The following AARS1 variants were observed in gnomAD, a reference collection of about 807,000 sequenced individuals.
AARS1 encodes alanyl-tRNA synthetase 1.
AARS1 carries 72 observed loss-of-function variants against 108.9 expected under a neutral mutation model. The observed-to-expected ratio is 0.66, with a 90% CI of 0.55 to 0.80. The LOEUF is 0.80. AARS1 is among the 30% of genes least tolerant of loss of function. The pLI, the probability that AARS1 is intolerant of heterozygous loss-of-function variation, is 0.00. For synonymous variants in AARS1, 489 were observed against 465.7 expected, an observed-to-expected ratio of 1.05 and a Z score of -0.64; for missense variants, 1,193 against 1,233.2, an observed-to-expected ratio of 0.97 and a Z score of 0.49.
At position 70,270,752 on chromosome 16, in the gene AARS1, G is replaced by A. The variant is rs539722875; in HGVS notation, c.672-412C>T. 4.3e-4 allele frequency among the ~76,000 whole-genome samples: 64 copies of A among 150,072 alleles called. No individual in the cohort carries two copies. The Middle Eastern group carries it at 0.014, about 33-fold the overall frequency. On this transcript the variant is annotated intron_variant, in intron 5 of 20. Transcript: ENST00000261772. Reference sequence around the variant, plus strand: ...CTCGGGAGGCTGAAGCAGGAGAATCGCTTGAACCCAGGAGGCGGAGGTTGT... The same window carrying A: ...CTCGGGAGGCTGAAGCAGGAGAATCACTTGAACCCAGGAGGCGGAGGTTGT...
intron 6 of AARS1, 149 bp downstream of exon 6, chr16:70,270,047 G>A: frequency 9.7e-7 from 1 of 1,030,362 alleles, no homozygotes; most frequent in Non-Finnish European, 1.5e-6. Flanking sequence ...AATTTGTGGA[G>A]CCTCACATTA....
intron 14 of AARS1, 44 bp from the exon 15 acceptor site, chr16:70,258,261 G>A: frequency 6.4e-7 from 1 of 1,553,088 alleles, no homozygotes; most frequent in Non-Finnish European, 8.7e-7. Context: ...GAGATCCCTG[G>A]AGGTGCGGTA....
At chr16:70,288,091 C>CCTT (rs1380374409) in intron 1 of AARS1, among the ~76,000 whole-genome samples, 9 of 141,264 alleles carry the variant, frequency 6.4e-5, no homozygotes, top group South Asian at 2.2e-4. Flanking sequence ...ACAGCCTTCC[C>CCTT]CTTCTTCTTT....
intron 2 of AARS1, among the ~76,000 whole-genome samples, chr16:70,280,132 C>G (rs914991509): frequency 6.6e-6 from 1 of 152,094 alleles, no homozygotes; most frequent in African/African-American, 2.4e-5. Flanking sequence ...GCCCAGGCTC[C>G]TCTCCAACTC....
intron 16 of AARS1, among the ~76,000 whole-genome samples, chr16:70,255,194 A>ATTT (rs946837808): frequency 0.011 from 1,101 of 104,188 alleles, 26 homozygotes; most frequent in African/African-American, 0.027. Flanking sequence ...CCAGATTCAC[A>ATTT]TTTTTTTTTT....
intron 13 of AARS1, 30 bp from the exon 14 acceptor site, chr16:70,259,216 G>A: frequency 1.9e-6 from 3 of 1,597,264 alleles, no homozygotes; most frequent in East Asian, 2.2e-5. Context: ...TCATGGAGAG[G>A]TCTGTAATAG....
intron 12 of AARS1, among the ~76,000 whole-genome samples, chr16:70,261,739 G>A (rs546186638): frequency 1.1e-4 from 16 of 144,024 alleles, no homozygotes; most frequent in African/African-American, 3.2e-4. Context: ...GCGCAATCTC[G>A]GCTCACTGCA....
In AARS1 at chr16:70,252,731, A is replaced by G. The variant is rs1029517336; in HGVS notation, c.2897T>C (p.Val966Ala). The change falls in exon 21 of 21, where the codon GTA becomes GCA. Residue 966 changes from valine (V) to alanine (A), a missense_variant. Transcript: ENST00000261772. ...TSFAQLRLGD[V>A]KN ...CTCCTCCTTCCCCACTCAGTTCTTT[A>G]CATCCCCGAGGCGCAGCTGGGCGAA... 1 of 1,614,086 alleles carries G rather than the reference A, an allele frequency of 6.2e-7. No homozygotes were observed. Among genetic ancestry groups the G allele is most frequent in the Non-Finnish European group, 8.5e-7 (1 of 1,180,026 alleles).
chr16:70,284,010 G>C (rs1414780804), intron 1 of AARS1, among the ~76,000 whole-genome samples: 1 of 151,822 alleles, frequency 6.6e-6, no homozygotes, highest in Non-Finnish European at 1.5e-5. Flanking sequence ...CCTGGAGTTT[G>C]AGACCACCCT....
At position 70,264,987 on chromosome 16, in the gene AARS1, T is replaced by C. The variant is rs561147617; in HGVS notation, c.1463A>G (p.Asn488Ser). The change falls in exon 11 of 21, where the codon AAT becomes AGT. Residue 488 changes from asparagine (N) to serine (S), a missense_variant. Transcript: ENST00000261772. ...GCTACCACTGGAGTCCAAATGGTAA[T>C]TGTACTTTGGGGAATCATCTGTGAC... is the stretch of plus-strand genomic sequence containing the variant. ...LEVTDDSPKY[N>S]YHLDSSGSYV... 3.7e-6 allele frequency: 6 copies of C among 1,613,954 alleles called. No individual in the cohort carries two copies. The South Asian group carries it at 4.4e-5, about 12-fold the overall frequency.
chr16:70,270,670 T>G (rs1333843229), intron 5 of AARS1, among the ~76,000 whole-genome samples: 1 of 144,492 alleles, frequency 6.9e-6, no homozygotes, highest in Non-Finnish European at 1.5e-5. Flanking sequence ...AAACCCCATC[T>G]CTACTAAAAA....
At position 70,265,011 on chromosome 16, in the gene AARS1, A is replaced by G. The variant is rs763540585; in HGVS notation, c.1439T>C (p.Val480Ala). Residue 480 changes from valine (V) to alanine (A), a missense_variant, in exon 11 of 21, where the codon GTC (valine) becomes GCC (alanine). Transcript: ENST00000261772. The stretch of plus-strand genomic sequence containing the variant: ...ATTGTACTTTGGGGAATCATCTGTG[A>G]CCTCCAGACCCCGTGCCCGGAGCTC... ...IEELRARGLE[V>A]TDDSPKYNYH... is the part of the protein sequence containing the mutation. 2.5e-6 allele frequency: 4 copies of G among 1,613,858 alleles called. No individual in the cohort carries two copies. The East Asian group carries it at 8.9e-5, about 36-fold the overall frequency.
At chr16:70,280,193 A>C (rs896543744) in intron 2 of AARS1, among the ~76,000 whole-genome samples, 3 of 152,210 alleles carry the variant, frequency 2.0e-5, no homozygotes, top group Non-Finnish European at 2.9e-5. Context: ...CTGGAATTAC[A>C]GGCATGAACC....
intron 5 of AARS1, among the ~76,000 whole-genome samples, chr16:70,271,012 C>T (rs998888556): frequency 3.3e-5 from 5 of 151,276 alleles, no homozygotes; most frequent in South Asian, 2.1e-4. Flanking sequence ...ATTAGCCTGG[C>T]ATGGTGGCAT....
rs1017894747 is a variant in AARS1, at chr16:70,289,427, T to C, written c.-28A>G. 2.5e-6 allele frequency: 1 copy of C among 402,628 alleles called. No individual in the cohort carries two copies. The highest frequency in any genetic ancestry group is 5.0e-6 in the Non-Finnish European group (1 of 200,032). 24.9% of individuals were successfully genotyped at this position (402,628 alleles called of 1,614,324 possible). A position where few individuals can be genotyped will look rare whatever the true frequency, so the allele number is the denominator to read the frequency against. ...CTCTCCGAGGGCGGCCTACCTCTCC[T>C]AGGGTCGCCGTCCCCAGCTCCTCCC... On this transcript the variant is annotated 5_prime_UTR_variant, in exon 1 of 21. Transcript: ENST00000261772.
intron 1 of AARS1, among the ~76,000 whole-genome samples, chr16:70,283,734 TAGCAGGA>T (rs1204963232): frequency 6.6e-6 from 1 of 152,146 alleles, no homozygotes; most frequent in Non-Finnish European, 1.5e-5. Flanking sequence ...CACCTGTATG[TAGCAGGA>T]ATGTACCTAC....
At position 70,259,065 on chromosome 16, in the gene AARS1, A is replaced by C. The variant is rs766999932; in HGVS notation, c.1907T>G (p.Phe636Cys). The change falls in exon 14 of 21, where the codon TTT becomes TGT. Residue 636 changes from phenylalanine to cysteine, a missense_variant. Transcript: ENST00000261772. ...GSLVAPDRLR[F>C]DFTAKGAMST... Reference sequence around the variant, plus strand: ...CATGGCTCCCTTGGCAGTAAAGTCAAATCTGAGGCGGTCAGGAGCAACCAA... The same window carrying C: ...CATGGCTCCCTTGGCAGTAAAGTCACATCTGAGGCGGTCAGGAGCAACCAA... 9.3e-6 allele frequency: 15 copies of C among 1,614,172 alleles called. No individual in the cohort carries two copies. Among genetic ancestry groups the C allele is most frequent in the Non-Finnish European group, 1.3e-5 (15 of 1,180,026 alleles).
At chr16:70,286,376 T>C (rs1292949702) in intron 1 of AARS1, among the ~76,000 whole-genome samples, 1 of 149,270 alleles carries the variant, frequency 6.7e-6, no homozygotes, top group African/African-American at 2.5e-5. Flanking sequence ...TTTTTTTTTT[T>C]TTTTTTTTTT....
At chr16:70,273,952 G>A (rs550418027) in intron 4 of AARS1, among the ~76,000 whole-genome samples, 3 of 150,874 alleles carry the variant, frequency 2.0e-5, no homozygotes, top group East Asian at 2.0e-4. Context: ...TGGGACGATC[G>A]CCTGAGCTCA....
Sources: gnomAD v4.1 joint callset for allele counts (sites outside exome capture counted in the v4.1 genomes callset) on GRCh38, gnomAD v4.1.1 for gene constraint, MANE v1.5 for transcripts, NCBI Gene and HGNC (gene_info 2026-07-23, HGNC 2026-07-21) for gene names.